Variants in CAPZA2 observed in about 807,000 individuals in gnomAD.
CAPZA2 encodes the protein capping actin protein of muscle Z-line subunit alpha 2.
A neutral mutation model predicts 44.0 loss-of-function variants in CAPZA2; 13 were observed. That is an observed-to-expected ratio of 0.30 (90% confidence interval 0.19 to 0.47). CAPZA2 has a LOEUF of 0.47. Among genes scored for constraint, CAPZA2 ranks in the 20% least tolerant of loss-of-function variants. The pLI is 1.00. For synonymous variants in CAPZA2, 94 were observed against 108.2 expected (o/e 0.87, Z 0.81); for missense variants, 244 against 338.6 (o/e 0.72, Z 2.19).
intron 4 of CAPZA2, among the ~76,000 whole-genome samples, chr7:116,901,897 G>GTGTGTGTGTGTGTA: frequency 6.6e-6 from 1 of 151,232 alleles, no homozygotes; most frequent in African/African-American, 2.4e-5. Flanking sequence ...GTGTGTGTGT[G>GTGTGTGTGTGTGTA]TGTGTGTGTG....
At position 116,903,908 on chromosome 7, in the gene CAPZA2, C is replaced by T. The variant is rs550416055; in HGVS notation, c.220-269C>T. 7.2e-5 allele frequency among the ~76,000 whole-genome samples: 11 copies of T among 152,228 alleles called. No individual in the cohort carries two copies. The South Asian group carries it at 2.3e-3, about 32-fold the overall frequency. On this transcript the variant is annotated intron_variant, in intron 4 of 9. Transcript: ENST00000361183. ...AGAAAACCCACCAAACCCACTTGAA[C>T]AGTGTTTTTAGAGGTTGCATTTTTT... is the stretch of plus-strand genomic sequence containing the variant.
chr7:116,867,600 T>C (rs1796498217), intron 1 of CAPZA2, among the ~76,000 whole-genome samples: 1 of 150,650 alleles, frequency 6.6e-6, no homozygotes, highest in Non-Finnish European at 1.5e-5. Flanking sequence ...TTTTTTTTTT[T>C]TGAGACAGAT....
intron 6 of CAPZA2, chr7:116,909,855 TTTTTG>T (rs1031226678): frequency 1.6e-5 from 3 of 192,778 alleles, no homozygotes; most frequent in Non-Finnish European, 3.3e-5. Flanking sequence ...TTTGTATTGG[TTTTTG>T]TTTTGTTTTG....
At chr7:116,862,764 C>A (rs1796433339) in intron 1 of CAPZA2, 114 bp downstream of exon 1, 2 of 1,195,860 alleles carry the variant, frequency 1.7e-6, no homozygotes, top group Non-Finnish European at 2.3e-6. Context: ...GCCTTGCCCT[C>A]GGCTGCCCTT....
intron 9 of CAPZA2, 36 bp from the exon 10 acceptor site, chr7:116,917,686 TCTTTG>T (rs773295448): frequency 7.0e-7 from 1 of 1,430,462 alleles, no homozygotes; most frequent in South Asian, 1.1e-5. Context: ...ATTGTTCTGT[TCTTTG>T]CTTTACTTTA....
At chr7:116,875,147 T>C (rs1276450770) in intron 1 of CAPZA2, 1 of 152,126 alleles carries the variant, frequency 6.6e-6, no homozygotes, top group Non-Finnish European at 1.5e-5. Flanking sequence ...GAATATCCTT[T>C]TTTTTTTTTC....
At chr7:116,895,489 A>G (rs367883146) in intron 3 of CAPZA2, among the ~76,000 whole-genome samples, 1 of 152,150 alleles carries the variant, frequency 6.6e-6, no homozygotes, top group East Asian at 1.9e-4. Context: ...CTTCATGTGC[A>G]TTGTAACAGG....
chr7:116,894,245 C>A (rs1796895060), intron 3 of CAPZA2, among the ~76,000 whole-genome samples: 1 of 151,922 alleles, frequency 6.6e-6, no homozygotes. Flanking sequence ...TCCTGTAGTC[C>A]CAGCTACTTG....
At position 116,917,073 on chromosome 7, in the gene CAPZA2, C is replaced by T. The variant is rs143181810; in HGVS notation, c.721-654C>T. ...TCTAAACTACACTCTTGAATTGAAC[C>T]ATTTAATTTGTGAATTGGACAAGTT... On this transcript the variant is annotated intron_variant, in intron 9 of 9. Transcript: ENST00000361183. Among the ~76,000 whole-genome samples the T allele has an allele frequency of 3.3e-5, 5 of 152,108 alleles. No homozygotes were observed. In the East Asian group the frequency reaches 7.7e-4, roughly 23 times the overall value.
intron 1 of CAPZA2, among the ~76,000 whole-genome samples, chr7:116,866,944 A>G (rs1000479256): frequency 2.6e-5 from 4 of 151,858 alleles, no homozygotes; most frequent in African/African-American, 7.3e-5. Flanking sequence ...GGTATAATCT[A>G]CTCTTGATAA....
At chr7:116,884,708 G>A (rs1371226374) in intron 1 of CAPZA2, among the ~76,000 whole-genome samples, 3 of 152,122 alleles carry the variant, frequency 2.0e-5, no homozygotes, top group East Asian at 1.9e-4. Flanking sequence ...CCAGTTTTGA[G>A]CAATTATGTA....
intron 1 of CAPZA2, among the ~76,000 whole-genome samples, chr7:116,867,052 C>T (rs1796492157): frequency 6.6e-6 from 1 of 152,170 alleles, no homozygotes; most frequent in Admixed American, 6.5e-5. Flanking sequence ...TTACAATCAA[C>T]TGGTAAAAGT....
At chr7:116,872,008 G>C (rs1796560450) in intron 1 of CAPZA2, among the ~76,000 whole-genome samples, 2 of 151,994 alleles carry the variant, frequency 1.3e-5, no homozygotes, top group Non-Finnish European at 1.5e-5. Context: ...TGTTGTTGTT[G>C]TTTTAAAGCT....
intron 9 of CAPZA2, among the ~76,000 whole-genome samples, chr7:116,916,479 T>C (rs1791680867): frequency 6.6e-6 from 1 of 152,124 alleles, no homozygotes; most frequent in Non-Finnish European, 1.5e-5. Flanking sequence ...AAAAATTAGC[T>C]GTGTGTGGTG....
chr7:116,871,031 A>T (rs902160389), intron 1 of CAPZA2, among the ~76,000 whole-genome samples: 2 of 152,222 alleles, frequency 1.3e-5, no homozygotes, highest in Non-Finnish European at 2.9e-5. Context: ...AACAGCTTGG[A>T]AAAGAGGTCA....
Position 116,898,761 on chromosome 7 carries a change from CT to C in CAPZA2, c.156-3del, listed in dbSNP as rs767687560. 9.0e-5 allele frequency: 138 copies of C among 1,534,922 alleles called. No individual in the cohort carries two copies. Among genetic ancestry groups the C allele is most frequent in the East Asian group, 5.7e-4 (25 of 43,936 alleles). ...TATAATTTTAAGTAATTGCCATTTT[CT>C]TTTTTTTAGTGCATTTGCACAGTAT... is the stretch of plus-strand genomic sequence containing the variant. On this transcript the variant is annotated splice_polypyrimidine_tract_variant and intron_variant, in intron 3 of 9. Coordinates refer to ENST00000361183, the MANE Select transcript of CAPZA2 (RefSeq NM_006136.3).
chr7:116,869,054 C>G (rs1796516780), intron 1 of CAPZA2, among the ~76,000 whole-genome samples: 1 of 152,132 alleles, frequency 6.6e-6, no homozygotes, highest in African/African-American at 2.4e-5. Context: ...AGCAGAGAAT[C>G]TAAAATAATT....
rs757611246 is a variant in CAPZA2 at position 116,912,118 on chromosome 7, T to C, written c.635T>C (p.Ile212Thr). Residue 212 changes from isoleucine to threonine, a missense_variant, in exon 8 of 10, where the codon ATA becomes ACA. By Grantham distance (89) the Ile-to-Thr change is moderately conservative (BLOSUM62 -1). Transcript: ENST00000361183. ...GTTCAGCTAGTGAGTCATAAAGATA[T>C]ACAAGATTCCCTAACAGTGTCTGTA... The part of the protein sequence containing the change: ...GNVQLVSHKD[I>T]QDSLTVSNEV... The C allele has an allele frequency of 2.6e-5, 42 of 1,612,958 alleles. No homozygotes were observed. Among genetic ancestry groups the C allele is most frequent in the Non-Finnish European group, 3.5e-5 (41 of 1,179,344 alleles).
chr7:116,883,313 A>C (rs547034477), intron 1 of CAPZA2, among the ~76,000 whole-genome samples: 20 of 152,144 alleles, frequency 1.3e-4, no homozygotes, highest in Non-Finnish European at 2.5e-4. Context: ...GAAATGAGCT[A>C]GAATAAATAA....
Sources: allele counts gnomAD v4.1 joint callset (sites outside exome capture counted in the v4.1 genomes callset), GRCh38; gene constraint gnomAD v4.1.1; transcripts MANE v1.5; gene names NCBI Gene and HGNC (gene_info 2026-07-23, HGNC 2026-07-21).